SWT1: variants seen among roughly 807,000 people sequenced by gnomAD.
SWT1 encodes the protein transcriptional protein SWT1.
A neutral mutation model predicts 107.3 loss-of-function variants in SWT1; 33 were observed. That is an observed-to-expected ratio of 0.31 (90% confidence interval 0.23 to 0.41). The LOEUF (loss-of-function observed/expected upper bound fraction) is 0.41. Ranked by LOEUF, SWT1 falls within the 10% of genes least tolerant of loss-of-function variation. SWT1 has a pLI of 1.00. For missense variants in SWT1, 898 were observed against 1,028.9 expected (o/e 0.87, Z 1.74); for synonymous variants, 345 against 348.3 (o/e 0.99, Z 0.11).
chr1:185,237,214 G>A (rs531847258), intron 16 of SWT1, among the ~76,000 whole-genome samples: 1 of 152,120 alleles, frequency 6.6e-6, no homozygotes, highest in African/African-American at 2.4e-5. Context: ...TATATCCAAA[G>A]GACTATATGT....
chr1:185,255,611 T>C (rs1172424134), intron 16 of SWT1, among the ~76,000 whole-genome samples: 1 of 127,040 alleles, frequency 7.9e-6, no homozygotes, highest in East Asian at 2.3e-4. Flanking sequence ...ACCCCTGCCT[T>C]TTTTTGTTTT....
At chr1:185,223,680 G>A (rs1168743664) in intron 15 of SWT1, among the ~76,000 whole-genome samples, 1 of 152,158 alleles carries the variant, frequency 6.6e-6, no homozygotes, top group African/African-American at 2.4e-5. Context: ...AGGGGTACAT[G>A]TGCAAGTTTA....
At chr1:185,265,369 ATAATTTTAGTTTTAC>A (rs368446170) in intron 16 of SWT1, among the ~76,000 whole-genome samples, 1 of 152,354 alleles carries the variant, frequency 6.6e-6, no homozygotes, top group East Asian at 1.9e-4. Context: ...TAGAAAACGT[ATAATTTTAGTTTTAC>A]TTGTAATAAA....
chr1:185,168,133 G>C (rs1476693716), intron 3 of SWT1, among the ~76,000 whole-genome samples: 3 of 152,138 alleles, frequency 2.0e-5, no homozygotes, highest in Non-Finnish European at 4.4e-5. Context: ...ACAGATGACT[G>C]CTCTGCTGTG....
chr1:185,210,927 C>T (rs758780498), intron 13 of SWT1, among the ~76,000 whole-genome samples: 13 of 152,064 alleles, frequency 8.5e-5, no homozygotes, highest in African/African-American at 1.2e-4. Flanking sequence ...CCAAATCATG[C>T]GTGAACTGCC....
At chr1:185,225,911 A>G (rs1445025847) in intron 15 of SWT1, among the ~76,000 whole-genome samples, 1 of 152,228 alleles carries the variant, frequency 6.6e-6, no homozygotes, top group African/African-American at 2.4e-5. Context: ...TAAACTATCT[A>G]CTGGCTTTAT....
rs563541139 is a variant in SWT1 at position 185,163,723 on chromosome 1, A to G, written c.84+2798A>G. Among the ~76,000 whole-genome samples the G allele has an allele frequency of 3.3e-5, 5 of 152,290 alleles. No individual in the cohort carries two copies. The East Asian group carries it at 9.7e-4, about 29-fold the overall frequency. ...TTAAAGTTTTATTATGAGATGATAG[A>G]AATTCAGACACATTTTCAACCTCTA... is the stretch of plus-strand genomic sequence containing the variant. On this transcript the variant is annotated intron_variant, in intron 2 of 18. Coordinates refer to ENST00000367500, the MANE Select transcript of SWT1 (RefSeq NM_017673.7).
chr1:185,252,698 G>A (rs1287052052), intron 16 of SWT1, among the ~76,000 whole-genome samples: 2 of 152,168 alleles, frequency 1.3e-5, no homozygotes, highest in African/African-American at 4.8e-5. Context: ...TGTCAGATGA[G>A]TAGGTTATGA....
intron 7 of SWT1, among the ~76,000 whole-genome samples, chr1:185,182,593 A>AG (rs951604157): frequency 2.2e-5 from 3 of 134,004 alleles, no homozygotes; most frequent in Non-Finnish European, 4.6e-5. Flanking sequence ...TGAGCCTGGG[A>AG]GGTTGAGGCT....
intron 14 of SWT1, among the ~76,000 whole-genome samples, chr1:185,219,363 T>G (rs950074073): frequency 6.6e-6 from 1 of 152,156 alleles, no homozygotes; most frequent in African/African-American, 2.4e-5. Flanking sequence ...TTTCATAGGG[T>G]AGTTGTTAGG....
chr1:185,238,157 T>C (rs1187369960), intron 16 of SWT1, among the ~76,000 whole-genome samples: 1 of 152,120 alleles, frequency 6.6e-6, no homozygotes, highest in Admixed American at 6.5e-5. Context: ...CAGCTAATTT[T>C]TGTATTTTTT....
At chr1:185,180,715 AT>A (rs1206982547) in intron 6 of SWT1, among the ~76,000 whole-genome samples, 1 of 152,182 alleles carries the variant, frequency 6.6e-6, no homozygotes, top group Admixed American at 6.5e-5. Context: ...CTGAATTTTG[AT>A]TTAATATTAT....
chr1:185,273,025 C>A (rs1320604666), intron 17 of SWT1, among the ~76,000 whole-genome samples: 1 of 149,670 alleles, frequency 6.7e-6, no homozygotes, highest in Non-Finnish European at 1.5e-5. Context: ...AGAGCAAGAC[C>A]CTGTCTCAAA....
intron 14 of SWT1, among the ~76,000 whole-genome samples, chr1:185,216,877 A>G (rs1459324764): frequency 2.0e-5 from 3 of 151,854 alleles, no homozygotes; most frequent in Admixed American, 2.0e-4. Context: ...ACCTGAACCC[A>G]GGAGGCAGAG....
chr1:185,193,502 G>A (rs929457904), intron 10 of SWT1, among the ~76,000 whole-genome samples: 29 of 147,110 alleles, frequency 2.0e-4, no homozygotes, highest in African/African-American at 7.3e-4. Context: ...AGTCTCACTT[G>A]GTCGCCCAGG....
chr1:185,172,650 T>C (rs1388555200), intron 4 of SWT1, among the ~76,000 whole-genome samples: 1 of 152,172 alleles, frequency 6.6e-6, no homozygotes, highest in Non-Finnish European at 1.5e-5. Context: ...TTTGTGGGAC[T>C]GTTATGTTGT....
At chr1:185,249,095 A>G (rs1266685796) in intron 16 of SWT1, among the ~76,000 whole-genome samples, 5 of 152,096 alleles carry the variant, frequency 3.3e-5, no homozygotes, top group Admixed American at 1.3e-4. Flanking sequence ...CTATCTCCAG[A>G]CACTTAGAGG....
At chr1:185,211,277 G>T (rs1022313328) in intron 13 of SWT1, among the ~76,000 whole-genome samples, 1 of 152,074 alleles carries the variant, frequency 6.6e-6, no homozygotes, top group Non-Finnish European at 1.5e-5. Context: ...GCATCACACT[G>T]CCTGACTTCA....
intron 18 of SWT1, among the ~76,000 whole-genome samples, chr1:185,280,559 G>A (rs1228954755): frequency 6.6e-6 from 1 of 152,076 alleles, no homozygotes; most frequent in Non-Finnish European, 1.5e-5. Flanking sequence ...ACTCTTGGTG[G>A]GCTCCTGGAT....
Sources: allele counts gnomAD v4.1 joint callset (sites outside exome capture counted in the v4.1 genomes callset), GRCh38; gene constraint gnomAD v4.1.1; transcripts MANE v1.5; gene names NCBI Gene and HGNC (gene_info 2026-07-23, HGNC 2026-07-21).